The following SATB1 variants were observed in gnomAD, a reference collection of about 807,000 sequenced individuals.
The protein encoded by SATB1 is SATB homeobox 1, also known as DNA-binding protein SATB1.
SATB1 carries 11 observed loss-of-function variants against 86.9 expected under a neutral mutation model. The ratio of observed to expected loss-of-function variants is 0.13; its 90% confidence interval spans 0.08 to 0.21. The LOEUF (loss-of-function observed/expected upper bound fraction) is 0.21, where lower values mean the gene tolerates loss of function less well. Ranked by LOEUF, SATB1 falls within the 10% of genes least tolerant of loss-of-function variation. The pLI is 1.00. For missense variants in SATB1, 551 were observed against 937.6 expected, an observed-to-expected ratio of 0.59 and a Z score of 5.39; for synonymous variants, 357 against 357.2, an observed-to-expected ratio of 1.00 and a Z score of 0.01.
At chr3:18,353,384 C>T (rs1307878628) in intron 9 of SATB1, among the ~76,000 whole-genome samples, 2 of 152,138 alleles carry the variant, frequency 1.3e-5, no homozygotes, top group Non-Finnish European at 2.9e-5. Context: ...GGACCTCTTT[C>T]GCTTCCCTAT....
chr3:18,409,333 A>G (rs1697711428), intron 5 of SATB1: 1 of 152,096 alleles, frequency 6.6e-6, no homozygotes, highest in African/African-American at 2.4e-5. Context: ...TCTAAAAATG[A>G]GCCTGATATA....
rs150076672 is a variant in SATB1 at position 18,386,483 on chromosome 3, C to T, written c.1335G>A (p.Gln445=). 328 of 1,614,142 alleles carry T rather than the reference C, an allele frequency of 2.0e-4. 4 individuals carry two copies. In the African/African-American group the frequency reaches 3.7e-3, roughly 18 times the overall value. ...CATTCAAGCTCCTTTCCCTTTCGTC[C>T]TGGTATATTCGGTCTCTTTCAGCTT... The part of the protein sequence containing the change: ...LPEAERDRIY[Q]DERERSLNAA... The change falls in exon 8 of 11, where the codon CAG becomes CAA. Residue 445 remains glutamine (Q), a synonymous_variant. Transcript: ENST00000338745. The surrounding 1 kb of genome is among the most constrained non-coding windows in gnomAD (Gnocchi z 4.5).
chr3:18,430,965 G>C (rs1188884738), intron 2 of SATB1, among the ~76,000 whole-genome samples: 1 of 152,164 alleles, frequency 6.6e-6, no homozygotes, highest in Non-Finnish European at 1.5e-5. Context: ...TCTGGAAACC[G>C]ACAGGATATC....
chr3:18,416,846 C>T (rs751013266), intron 3 of SATB1, 56 bp downstream of exon 3: 199 of 1,457,192 alleles, frequency 1.4e-4, no homozygotes, highest in Non-Finnish European at 1.8e-4. Context: ...GCTTTCTCTG[C>T]AAGGTAAACA....
intron 10 of SATB1, chr3:18,351,416 A>G (rs758683009): frequency 6.5e-6 from 10 of 1,537,910 alleles, no homozygotes; most frequent in Non-Finnish European, 8.7e-6. Flanking sequence ...GCTCTAAAGG[A>G]AAGACAAACA....
chr3:18,430,367 C>T (rs1698849057), intron 2 of SATB1, among the ~76,000 whole-genome samples: 2 of 152,178 alleles, frequency 1.3e-5, no homozygotes, highest in Admixed American at 1.3e-4. Flanking sequence ...TACCTGTATA[C>T]TGCTAAATAC....
intron 4 of SATB1, among the ~76,000 whole-genome samples, chr3:18,415,565 T>C (rs1404883994): frequency 2.1e-5 from 3 of 144,948 alleles, no homozygotes; most frequent in African/African-American, 2.6e-5. Flanking sequence ...TTTCCTTTCA[T>C]TACTCTGTTC....
At chr3:18,358,415 T>C (rs1048167303) in intron 9 of SATB1, among the ~76,000 whole-genome samples, 8 of 152,150 alleles carry the variant, frequency 5.3e-5, no homozygotes, top group Admixed American at 4.6e-4. Context: ...TTCTCCTCTA[T>C]GGAATTAGTA....
chr3:18,427,236 A>G (rs1575180251), upstream of SATB1, among the ~76,000 whole-genome samples: 3 of 152,238 alleles, frequency 2.0e-5, no homozygotes, highest in East Asian at 5.8e-4. Context: ...GAAATTTCCA[A>G]TATGGATACT....
intron 2 of SATB1, chr3:18,435,292 A>C (rs986297054): frequency 4.6e-5 from 7 of 152,210 alleles, no homozygotes; most frequent in African/African-American, 1.7e-4. Context: ...AAAATGTGTC[A>C]ACAATAAACA....
At chr3:18,370,515 C>CAAAAAAAAAAAAAAAAAAAAAAGAAAAA (rs11391230) in intron 9 of SATB1, among the ~76,000 whole-genome samples, 1 of 49,440 alleles carries the variant, frequency 2.0e-5, no homozygotes, top group Non-Finnish European at 3.5e-5. Flanking sequence ...CTGAGAGAGG[C>CAAAAAAAAAAAAAAAAAAAAAAGAAAAA]AAAAAAAAAA....
chr3:18,440,674 CT>C (rs1699218155), upstream of SATB1, among the ~76,000 whole-genome samples: 1 of 152,168 alleles, frequency 6.6e-6, no homozygotes, highest in African/African-American at 2.4e-5. Context: ...TGAAACATAA[CT>C]TTCATTTTAC....
chr3:18,418,434 C>A (rs1475469), intron 2 of SATB1, among the ~76,000 whole-genome samples: 119,536 of 152,050 alleles, frequency 0.79, 47,498 homozygotes, highest in Non-Finnish European at 0.84. Flanking sequence ...TCTGACAAAA[C>A]CCTTTAGGTT....
chr3:18,367,500 A>G (rs754948343), intron 9 of SATB1, among the ~76,000 whole-genome samples: 5 of 152,206 alleles, frequency 3.3e-5, no homozygotes, highest in Non-Finnish European at 7.3e-5. Context: ...TAAAGTTTGT[A>G]ACACTTCTAT....
chr3:18,384,953 A>G (rs1208123826), intron 8 of SATB1, among the ~76,000 whole-genome samples: 1 of 152,218 alleles, frequency 6.6e-6, no homozygotes, highest in African/African-American at 2.4e-5. Context: ...GTTCCTATAG[A>G]CATCAAGACC....
At chr3:18,366,686 T>A (rs1695203703) in intron 9 of SATB1, among the ~76,000 whole-genome samples, 3 of 152,172 alleles carry the variant, frequency 2.0e-5, no homozygotes, top group African/African-American at 7.2e-5. Flanking sequence ...TGTATGATAA[T>A]AGGGAGAGTT....
intron 5 of SATB1, among the ~76,000 whole-genome samples, chr3:18,407,540 T>C (rs1575152581): frequency 1.3e-5 from 2 of 152,154 alleles, no homozygotes; most frequent in Admixed American, 1.3e-4. Context: ...AAATGTTTTC[T>C]AAGTACTAGC....
intron 9 of SATB1, among the ~76,000 whole-genome samples, chr3:18,368,182 G>C (rs568067908): frequency 2.5e-4 from 38 of 152,264 alleles, no homozygotes; most frequent in South Asian, 6.2e-4. Context: ...TGTTAAGAAG[G>C]GTTCTGAGGT....
intron 9 of SATB1, among the ~76,000 whole-genome samples, chr3:18,361,749 A>G (rs1694914352): frequency 6.6e-6 from 1 of 152,212 alleles, no homozygotes; most frequent in South Asian, 2.1e-4. Flanking sequence ...TAATGTTTAC[A>G]TTCATATTAT....
Sources: gnomAD v4.1 joint callset for allele counts (sites outside exome capture counted in the v4.1 genomes callset) on GRCh38, gnomAD v4.1.1 for gene constraint, Gnocchi (gnomAD v3.1) non-coding constraint, MANE v1.5 for transcripts, NCBI Gene and HGNC (gene_info 2026-07-23, HGNC 2026-07-21) for gene names.